GNAI1: variants seen among roughly 807,000 people sequenced by gnomAD.
GNAI1 encodes G protein subunit alpha i1, also known as guanine nucleotide-binding protein G(i) subunit alpha-1.
In GNAI1, 11 loss-of-function variants were observed where a neutral mutation model predicts 38.9. The ratio of observed to expected loss-of-function variants is 0.28; its 90% CI spans 0.18 to 0.47. The LOEUF (loss-of-function observed/expected upper bound fraction) is 0.47. Among genes scored for constraint, GNAI1 ranks in the 20% least tolerant of loss-of-function variants. The pLI is 0.99. For synonymous variants in GNAI1, 166 were observed against 145.1 expected, an observed-to-expected ratio of 1.14 and a Z score of -1.04; for missense variants, 317 against 436.9, an observed-to-expected ratio of 0.73 and a Z score of 2.45.
At chr7:80,213,652 T>C (rs962211650) in intron 7 of GNAI1, among the ~76,000 whole-genome samples, 1 of 152,104 alleles carries the variant, frequency 6.6e-6, no homozygotes, top group African/African-American at 2.4e-5. Flanking sequence ...ACCCACCACC[T>C]TATAACTTTT....
At position 80,189,191 on chromosome 7, in the gene GNAI1, T is replaced by C. The variant is rs566542184; in HGVS notation, c.263T>C (p.Met88Thr). The C allele has an allele frequency of 6.2e-7, 1 of 1,610,882 alleles. No individual in the cohort carries two copies. The highest frequency in any genetic ancestry group is 1.1e-5 in the South Asian group (1 of 90,394). Reference protein sequence around the residue: ...IQSIIAIIRAMGRLKIDFGDS... With the variant: ...IQSIIAIIRATGRLKIDFGDS... ...TCAATTATTGCTATCATTAGGGCTA[T>C]GGGGAGGTTGAAGATAGACTTTGGT... The change falls in exon 3 of 8, where the codon ATG becomes ACG. Residue 88 changes from methionine (M) to threonine (T), a missense_variant. This residue lies in a region of GNAI1 where 67 missense variants were observed against 61.5 expected (regional missense o/e 1.09). Coordinates refer to ENST00000649796, the MANE Select transcript of GNAI1 (RefSeq NM_002069.6).
intron 1 of GNAI1, among the ~76,000 whole-genome samples, chr7:80,186,735 A>G (rs1788391932): frequency 6.6e-6 from 1 of 152,136 alleles, no homozygotes; most frequent in African/African-American, 2.4e-5. Flanking sequence ...CCTGGGATCT[A>G]GAGTGTCCCA....
intron 6 of GNAI1, among the ~76,000 whole-genome samples, chr7:80,212,249 G>T (rs10248616): frequency 0.54 from 81,930 of 151,936 alleles, 23,173 homozygotes; most frequent in East Asian, 0.79. Flanking sequence ...CAAGAAACAG[G>T]AATTGGAAGT....
intron 3 of GNAI1, among the ~76,000 whole-genome samples, chr7:80,192,950 C>T (rs1788508255): frequency 6.6e-6 from 1 of 152,074 alleles, no homozygotes; most frequent in African/African-American, 2.4e-5. Flanking sequence ...CCACCTGCCT[C>T]AGCCTCCCAA....
rs1789127868 is a variant in GNAI1 at position 80,224,516 on chromosome 7, G to GTCATTTCTTA, written c.*7023_*7024insTCATTTCTTA. Among the ~76,000 whole-genome samples the GTCATTTCTTA allele has an allele frequency of 1.3e-5, 2 of 152,024 alleles. No individual in the cohort carries two copies. The highest frequency in any genetic ancestry group is 2.9e-5 in the Non-Finnish European group (2 of 68,000). ...CTTAGCCATATCTTCAAAATCCAATGGCATAAAGAAGTTTTTCACAAGGGT... is the reference window on the plus strand; with the variant it reads ...CTTAGCCATATCTTCAAAATCCAATGTCATTTCTTAGCATAAAGAAGTTTTTCACAAGGGT... On this transcript the variant is annotated 3_prime_UTR_variant, in exon 8 of 8. Transcript: ENST00000649796.
At chr7:80,163,552 T>C (rs187072787) in intron 1 of GNAI1, among the ~76,000 whole-genome samples, 3 of 152,368 alleles carry the variant, frequency 2.0e-5, no homozygotes, top group African/African-American at 4.8e-5. Flanking sequence ...CTGAGCATTT[T>C]GAGTCCAAGT....
chr7:80,211,505 C>T (rs1232249938), intron 6 of GNAI1, among the ~76,000 whole-genome samples: 2 of 151,710 alleles, frequency 1.3e-5, no homozygotes, highest in Non-Finnish European at 2.9e-5. Flanking sequence ...GCAACCTCCA[C>T]CTCCCAGGTT....
intron 5 of GNAI1, among the ~76,000 whole-genome samples, chr7:80,207,414 A>T (rs890126754): frequency 5.9e-5 from 9 of 152,198 alleles, no homozygotes; most frequent in Middle Eastern, 6.8e-3. Flanking sequence ...TCTCAACATT[A>T]TCCTTCCAGG....
Position 80,188,973 on chromosome 7 carries a change from T to C in GNAI1, c.141T>C (p.Ser47=), listed in dbSNP as rs773240429. The C allele has an allele frequency of 6.2e-7, 1 of 1,608,208 alleles. No homozygotes were observed. Among genetic ancestry groups the C allele is most frequent in the South Asian group, 1.1e-5 (1 of 90,906 alleles). Residue 47 remains serine (S), a synonymous_variant, in exon 2 of 8, where the codon AGT becomes AGC. Transcript: ENST00000649796. ...TAGGTGCTGGTGAATCTGGTAAAAG[T>C]ACAATTGTGAAGCAGATGAAGTAAG... The part of the protein sequence containing the change: ...LLLGAGESGK[S]TIVKQMKIIH...
At chr7:80,169,067 T>C (rs974422489) in intron 1 of GNAI1, among the ~76,000 whole-genome samples, 3 of 152,204 alleles carry the variant, frequency 2.0e-5, no homozygotes, top group Non-Finnish European at 4.4e-5. Flanking sequence ...CTTTCTGTAC[T>C]TCTGTCCCTG....
chr7:80,155,111 T>A (rs1176056435), intron 1 of GNAI1, among the ~76,000 whole-genome samples: 1 of 152,194 alleles, frequency 6.6e-6, no homozygotes, highest in East Asian at 1.9e-4. Flanking sequence ...ACTGAAGTGA[T>A]TTTTCAAGAT....
In GNAI1 at chr7:80,211,049, G is replaced by A. The variant is rs1788864590; in HGVS notation, c.671G>A (p.Cys224Tyr). 6.2e-7 allele frequency: 1 copy of A among 1,613,402 alleles called. No homozygotes were observed. Among genetic ancestry groups the A allele is most frequent in the Non-Finnish European group, 8.5e-7 (1 of 1,179,358 alleles). ...GAAGGAGTGACGGCGATCATCTTCT[G>A]TGTAGCACTGAGTGACTACGACCTG... ...CFEGVTAIIF[C>Y]VALSDYDLVL... The change falls in exon 6 of 8, where the codon TGT becomes TAT. Residue 224 changes from cysteine (C) to tyrosine (Y), a missense_variant. Physicochemically the swap from Cys to Tyr is radical, Grantham distance 194. Transcript: ENST00000649796.
chr7:80,218,790 CAG>C lies in GNAI1; in HGVS notation c.*1298_*1299del, dbSNP rs944797764. On this transcript the variant is annotated 3_prime_UTR_variant, in exon 8 of 8. Coordinates refer to ENST00000649796, the MANE Select transcript of GNAI1 (RefSeq NM_002069.6). Reference sequence around the variant, plus strand: ...AAATGAGTAATAGTGTTTAATAAGTCAGTGATTATATGTGTGCTCAAATAAGT... The same window carrying C: ...AAATGAGTAATAGTGTTTAATAAGTCTGATTATATGTGTGCTCAAATAAGT... 2.0e-5 allele frequency: 3 copies of C among 151,902 alleles called. No homozygotes were observed. The highest frequency in any genetic ancestry group is 4.8e-5 in the African/African-American group (2 of 41,342). The allele number at this position is 151,902 out of a possible 1,614,324, so 9.4% of individuals were successfully genotyped here. A position where few individuals can be genotyped will look rare whatever the true frequency, so the allele number is the denominator to read the frequency against.
rs1045913947 is a variant in GNAI1, at chr7:80,221,525, T to TA, written c.*4033dup. On this transcript the variant is annotated 3_prime_UTR_variant, in exon 8 of 8. Transcript: ENST00000649796. ...GAAAACTAAGTGTCTCACATATTGATACTGGAAAATGAGAAAATGCAATCT... is the reference window on the plus strand; with the variant it reads ...GAAAACTAAGTGTCTCACATATTGATAACTGGAAAATGAGAAAATGCAATCT... Among the ~76,000 whole-genome samples the TA allele has an allele frequency of 2.0e-4, 30 of 152,014 alleles. No homozygotes were observed. The highest frequency in any genetic ancestry group is 6.5e-4 in the African/African-American group (27 of 41,468).
intron 1 of GNAI1, among the ~76,000 whole-genome samples, chr7:80,184,468 C>T (rs1468994038): frequency 1.3e-5 from 2 of 152,202 alleles, no homozygotes; most frequent in East Asian, 3.9e-4. Flanking sequence ...TGGAGTTGTG[C>T]CCATACTCAC....
chr7:80,158,288 A>G (rs761404976), intron 1 of GNAI1, among the ~76,000 whole-genome samples: 5 of 152,160 alleles, frequency 3.3e-5, no homozygotes, highest in Non-Finnish European at 7.3e-5. Flanking sequence ...GTAACTCTTA[A>G]TGAGGTGTTT....
intron 4 of GNAI1, among the ~76,000 whole-genome samples, chr7:80,200,830 G>A (rs1788674608): frequency 6.6e-6 from 1 of 152,026 alleles, no homozygotes; most frequent in Admixed American, 6.5e-5. Context: ...TAAACATATT[G>A]AATATGTAGC....
intron 1 of GNAI1, among the ~76,000 whole-genome samples, chr7:80,185,135 C>T (rs993089499): frequency 2.0e-5 from 3 of 152,088 alleles, no homozygotes; most frequent in African/African-American, 7.2e-5. Flanking sequence ...AAAAAATTTA[C>T]CCCCCAACCC....
intron 1 of GNAI1, among the ~76,000 whole-genome samples, chr7:80,185,422 C>G (rs1259126770): frequency 6.6e-6 from 1 of 152,144 alleles, no homozygotes; most frequent in Non-Finnish European, 1.5e-5. Context: ...AATTTAACAG[C>G]TGAGGCCATC....
Sources: gnomAD v4.1 joint callset for allele counts (sites outside exome capture counted in the v4.1 genomes callset) on GRCh38, gnomAD v4.1.1 for gene constraint, gnomAD v4.1.1 regional missense constraint, MANE v1.5 for transcripts, NCBI Gene and HGNC (gene_info 2026-07-23, HGNC 2026-07-21) for gene names.